The following NBAS variants were observed in gnomAD, a reference collection of about 807,000 sequenced individuals.
NBAS encodes the protein NBAS subunit of NRZ tethering complex.
A neutral mutation model predicts 302.5 loss-of-function variants in NBAS; 219 were observed. That is an observed-to-expected ratio of 0.72 (90% CI 0.65 to 0.81). The LOEUF (loss-of-function observed/expected upper bound fraction) is 0.81, where lower values mean the gene tolerates loss of function less well. Ranked by LOEUF, NBAS falls within the 30% of genes least tolerant of loss-of-function variation. NBAS has a pLI of 0.00. For synonymous variants in NBAS, 1,118 were observed against 1,021.6 expected (o/e 1.09, Z -1.80); for missense variants, 2,932 against 2,841.6 (o/e 1.03, Z -0.72).
At chr2:15,021,299 A>G in the NBAS span, among the ~76,000 whole-genome samples, 1 of 152,026 alleles carries the variant, frequency 6.6e-6, no homozygotes, top group Admixed American at 6.6e-5. Context: ...AAGAATGCAG[A>G]GTCCAGTAGG....
the NBAS span, among the ~76,000 whole-genome samples, chr2:14,944,027 C>T: frequency 1.3e-5 from 2 of 152,192 alleles, no homozygotes; most frequent in East Asian, 1.9e-4. Context: ...CTGCCAGGTG[C>T]GGTGGCTCAC....
intron 40 of NBAS, among the ~76,000 whole-genome samples, chr2:15,302,159 C>G (rs924284543): frequency 7.9e-5 from 12 of 152,102 alleles, no homozygotes; most frequent in Admixed American, 5.9e-4. Context: ...TAACTCTCAC[C>G]CACTCACTGG....
chr2:15,504,312 AT>A (rs1661740625), intron 10 of NBAS, 99 bp from the exon 11 acceptor site: 3 of 974,830 alleles, frequency 3.1e-6, no homozygotes, highest in East Asian at 2.5e-5. Context: ...CAAATCTAGT[AT>A]TTTTTTAATT....
the NBAS span, among the ~76,000 whole-genome samples, chr2:15,024,669 G>C: frequency 3.9e-5 from 6 of 152,192 alleles, no homozygotes; most frequent in East Asian, 7.7e-4. Context: ...TTTTTGACTG[G>C]TGTGAGATGG....
In NBAS at chr2:15,469,633, T is replaced by C. The variant is rs540654858; in HGVS notation, c.1726-1100A>G. On this transcript the variant is annotated intron_variant, in intron 16 of 51. Coordinates refer to ENST00000281513, the MANE Select transcript of NBAS (RefSeq NM_015909.4). ...CTGGATTAAGAAAATGTGGCATATATACACCATGGAATACTATGCAGCCAT... is the reference window on the plus strand; with the variant it reads ...CTGGATTAAGAAAATGTGGCATATACACACCATGGAATACTATGCAGCCAT... Among the ~76,000 whole-genome samples the C allele has an allele frequency of 3.3e-3, 508 of 152,166 alleles. 2 individuals carry two copies. The highest frequency in any genetic ancestry group is 0.011 in the African/African-American group (467 of 41,510).
At chr2:15,368,040 T>A (rs1057325225) in intron 31 of NBAS, among the ~76,000 whole-genome samples, 3 of 152,142 alleles carry the variant, frequency 2.0e-5, no homozygotes, top group African/African-American at 7.2e-5. Context: ...AATACACATA[T>A]ATACAAGTGC....
the NBAS span, among the ~76,000 whole-genome samples, chr2:14,846,957 T>A: frequency 6.6e-6 from 1 of 152,020 alleles, no homozygotes; most frequent in African/African-American, 2.4e-5. Context: ...AAGAATAAGT[T>A]CTCACTTATC....
rs182794656 is a variant in NBAS, at chr2:15,386,609, G to A, written c.3258-3292C>T. 6.6e-5 allele frequency among the ~76,000 whole-genome samples: 10 copies of A among 152,112 alleles called. No individual in the cohort carries two copies. In the South Asian group the frequency reaches 8.3e-4, roughly 13 times the overall value. ...ACTCTCAAATCCATAACTCCAGTTC[G>A]GACTTCTCTGCTGATCTTCATGTCC... On this transcript the variant is annotated intron_variant, in intron 28 of 51. Transcript: ENST00000281513.
intron 45 of NBAS, among the ~76,000 whole-genome samples, chr2:15,237,082 C>T (rs868814354): frequency 2.0e-5 from 3 of 152,080 alleles, no homozygotes; most frequent in African/African-American, 7.2e-5. Flanking sequence ...AGGAGGTTAA[C>T]GGCCACTTAC....
At chr2:14,789,035 G>A in the NBAS span, among the ~76,000 whole-genome samples, 1 of 152,362 alleles carries the variant, frequency 6.6e-6, no homozygotes, top group African/African-American at 2.4e-5. Flanking sequence ...GCTGGGCAAT[G>A]GCGGGCGCCC....
the NBAS span, among the ~76,000 whole-genome samples, chr2:15,010,348 T>C: frequency 1.3e-5 from 2 of 152,334 alleles, no homozygotes; most frequent in African/African-American, 4.8e-5. Flanking sequence ...GGGGAACTTC[T>C]GTCCCAGAGG....
At chr2:15,356,503 T>TA in intron 32 of NBAS, 87 bp from the exon 33 acceptor site, 1 of 944,844 alleles carries the variant, frequency 1.1e-6, no homozygotes, top group Admixed American at 1.9e-5. Flanking sequence ...TCAAATTACT[T>TA]AAAAAATAAA....
chr2:15,549,888 C>T (rs1385209512), intron 6 of NBAS, among the ~76,000 whole-genome samples: 2 of 152,132 alleles, frequency 1.3e-5, no homozygotes, highest in East Asian at 3.8e-4. Flanking sequence ...CACAGTGGCT[C>T]ACACCTATAA....
At chr2:15,143,013 G>A in the NBAS span, among the ~76,000 whole-genome samples, 2,645 of 152,236 alleles carry the variant, frequency 0.017, 65 homozygotes, top group African/African-American at 0.061. Flanking sequence ...AAACTGGTCC[G>A]TGCAGTATTC....
the NBAS span, among the ~76,000 whole-genome samples, chr2:15,138,361 C>G: frequency 6.6e-6 from 1 of 152,060 alleles, no homozygotes; most frequent in Non-Finnish European, 1.5e-5. Context: ...CCAGGTGGTG[C>G]AGGATGGGTT....
At chr2:15,286,924 G>C (rs951176187) in intron 42 of NBAS, 149 bp downstream of exon 42, 2 of 650,916 alleles carry the variant, frequency 3.1e-6, no homozygotes, top group South Asian at 1.9e-5. Context: ...GTGTATCAAA[G>C]ATGTATAAGG....
chr2:15,328,660 C>T (rs954107394), intron 36 of NBAS, among the ~76,000 whole-genome samples: 12 of 152,146 alleles, frequency 7.9e-5, no homozygotes, highest in African/African-American at 2.9e-4. Flanking sequence ...AATAACCACT[C>T]GAAAACGTCA....
At chr2:14,830,254 C>T in the NBAS span, among the ~76,000 whole-genome samples, 2 of 152,172 alleles carry the variant, frequency 1.3e-5, no homozygotes, top group African/African-American at 4.8e-5. Context: ...GGCTCTTCCT[C>T]AGAAGCCTAG....
At chr2:15,332,712 G>A (rs1672410171) in intron 35 of NBAS, among the ~76,000 whole-genome samples, 1 of 151,952 alleles carries the variant, frequency 6.6e-6, no homozygotes, top group African/African-American at 2.4e-5. Flanking sequence ...TACTATCAGG[G>A]CAACAATGCA....
Sources: gnomAD v4.1 joint callset for allele counts (sites outside exome capture counted in the v4.1 genomes callset) on GRCh38, gnomAD v4.1.1 for gene constraint, MANE v1.5 for transcripts, NCBI Gene and HGNC (gene_info 2026-07-23, HGNC 2026-07-21) for gene names.